Variants in KIAA2012 observed in about 807,000 individuals in gnomAD.
The protein encoded by KIAA2012 is uncharacterized protein KIAA2012.
A neutral mutation model predicts 150.6 loss-of-function variants in KIAA2012; 125 were observed. That is an observed-to-expected ratio of 0.83 (90% CI 0.72 to 0.96). KIAA2012 has a LOEUF of 0.96. KIAA2012 is among the 40% of genes least tolerant of loss of function. KIAA2012 has a pLI of 0.00. For synonymous variants in KIAA2012, 462 were observed against 504.7 expected (o/e 0.92, Z 1.13); for missense variants, 1,219 against 1,354.9 (o/e 0.90, Z 1.57).
intron 14 of KIAA2012, among the ~76,000 whole-genome samples, chr2:202,160,577 T>G (rs2105717813): frequency 6.6e-6 from 1 of 152,250 alleles, no homozygotes; most frequent in African/African-American, 2.4e-5. Flanking sequence ...CCTCCCAAAG[T>G]GCTGGGATTA....
intron 13 of KIAA2012, among the ~76,000 whole-genome samples, chr2:202,141,423 TGAAAA>T (rs1691194854): frequency 6.6e-6 from 1 of 152,082 alleles, no homozygotes; most frequent in South Asian, 2.1e-4. Flanking sequence ...AATGTGGAGA[TGAAAA>T]GAGAGCAATG....
chr2:202,183,754 C>T (rs1692171228), intron 15 of KIAA2012, among the ~76,000 whole-genome samples: 1 of 152,134 alleles, frequency 6.6e-6, no homozygotes, highest in African/African-American at 2.4e-5. Context: ...GATCTGCCTG[C>T]CTTGGCTTCC....
At chr2:202,185,096 G>A (rs1445779007) in intron 16 of KIAA2012, among the ~76,000 whole-genome samples, 1 of 152,012 alleles carries the variant, frequency 6.6e-6, no homozygotes, top group Non-Finnish European at 1.5e-5. Context: ...AACCCTATGG[G>A]AACAGCTCTT....
chr2:202,146,631 C>CAA (rs34039489), intron 13 of KIAA2012, among the ~76,000 whole-genome samples: 15 of 76,492 alleles, frequency 2.0e-4, no homozygotes, highest in African/African-American at 3.3e-4. Flanking sequence ...GACTCCATCT[C>CAA]AAAAAAAAAA....
Position 202,162,181 on chromosome 2 carries a change from T to C in KIAA2012, c.2047-3103T>C, listed in dbSNP as rs182398279. On this transcript the variant is annotated intron_variant, in intron 14 of 23. Transcript: ENST00000498697. ...TCCCCTTCCTAGAATGTATAATGCA[T>C]ATATATAAGCAAATACAGATAGATA... 6.4e-4 allele frequency among the ~76,000 whole-genome samples: 98 copies of C among 152,248 alleles called. 2 individuals are homozygous for C. In the East Asian group the frequency reaches 0.017, roughly 26 times the overall value.
intron 3 of KIAA2012, 135 bp downstream of exon 3, chr2:202,091,064 C>A: frequency 8.5e-7 from 1 of 1,171,672 alleles, no homozygotes; most frequent in Non-Finnish European, 1.2e-6. Flanking sequence ...AGTCCCCACG[C>A]TTGGTAGCCC....
chr2:202,150,421 GT>G (rs1287895555), intron 13 of KIAA2012, among the ~76,000 whole-genome samples: 2 of 151,112 alleles, frequency 1.3e-5, no homozygotes, highest in Non-Finnish European at 2.9e-5. Flanking sequence ...TTGGTGTGGG[GT>G]TTTTTTGTTT....
rs141316284 is a variant in KIAA2012, at chr2:202,147,284, G to A, written c.1909-7389G>A. Among the ~76,000 whole-genome samples, 639 of 152,244 alleles carry A rather than the reference G, an allele frequency of 4.2e-3. 4 individuals are homozygous for A. Among genetic ancestry groups the A allele is most frequent in the Middle Eastern group, 0.017 (5 of 294 alleles). ...TTCTAACCATTAGAGATTATTTTGG[G>A]TTCCTCATACCTCTTTGTGAAAGTT... On this transcript the variant is annotated intron_variant, in intron 13 of 23. Transcript: ENST00000498697.
intron 7 of KIAA2012, 117 bp downstream of exon 7, chr2:202,100,566 C>G: frequency 8.3e-7 from 1 of 1,203,280 alleles, no homozygotes. Flanking sequence ...AGAGAACTGG[C>G]CTCTCTAGCG....
chr2:202,123,168 A>C (rs1690696477), intron 11 of KIAA2012, among the ~76,000 whole-genome samples: 1 of 152,162 alleles, frequency 6.6e-6, no homozygotes, highest in African/African-American at 2.4e-5. Flanking sequence ...GGGAGCTACG[A>C]GGCAAAGGGC....
In KIAA2012 at chr2:202,074,856, A is replaced by C. The variant is rs779737261; in HGVS notation, c.85-35A>C. On this transcript the variant is annotated intron_variant, in intron 1 of 23. Transcript: ENST00000498697. The stretch of plus-strand genomic sequence containing the variant: ...TATTTGCTATAGAAAGGTCTTCCAC[A>C]GTGGCTCCGTCAAAGTGGCTGCTTC... 4.6e-6 allele frequency: 7 copies of C among 1,515,176 alleles called. No individual in the cohort carries two copies. The East Asian group carries it at 1.2e-4, about 27-fold the overall frequency. The allele number at this position is 1,515,176 out of a possible 1,614,324, so 93.9% of individuals were successfully genotyped here.
At chr2:202,178,675 C>G (rs1386057708) in intron 15 of KIAA2012, 1 of 152,768 alleles carries the variant, frequency 6.5e-6, no homozygotes, top group African/African-American at 2.4e-5. Context: ...CACCAAGATA[C>G]TTTAATCAGC....
At chr2:202,137,181 A>G (rs1327607882) in intron 12 of KIAA2012, 1 of 152,256 alleles carries the variant, frequency 6.6e-6, no homozygotes, top group Non-Finnish European at 1.5e-5. Flanking sequence ...AGAGCTACTT[A>G]TGAGTATCAA....
At chr2:202,099,530 C>G (rs895037985) in intron 5 of KIAA2012, 83 bp from the exon 6 acceptor site, 8 of 1,149,466 alleles carry the variant, frequency 7.0e-6, no homozygotes, top group Non-Finnish European at 7.2e-6. Context: ...AACCATAAGC[C>G]TAGCCACAAG....
chr2:202,107,114 A>G (rs1295712247), intron 9 of KIAA2012, among the ~76,000 whole-genome samples: 3 of 152,180 alleles, frequency 2.0e-5, no homozygotes, highest in Non-Finnish European at 4.4e-5. Context: ...TCACATAACT[A>G]TAAGTGGCCT....
rs570894145 is a variant in KIAA2012 at position 202,143,696 on chromosome 2, G to A, written c.1908+5188G>A. 1.2e-4 allele frequency among the ~76,000 whole-genome samples: 18 copies of A among 152,126 alleles called. 1 individual carries two copies. The highest frequency in any genetic ancestry group is 4.2e-4 in the South Asian group (2 of 4,810). ...ACAACAAGTATTCAGCAAGCTGAAC[G>A]GGGTCAACACCATAGCACCATTATT... On this transcript the variant is annotated intron_variant, in intron 13 of 23. Coordinates refer to ENST00000498697, the MANE Select transcript of KIAA2012 (RefSeq NM_001277372.4).
At chr2:202,122,553 T>C (rs1381051613) in intron 11 of KIAA2012, among the ~76,000 whole-genome samples, 2 of 149,076 alleles carry the variant, frequency 1.3e-5, no homozygotes, top group African/African-American at 5.0e-5. Context: ...CAGGCTGGAG[T>C]GCAGTGGCAC....
intron 4 of KIAA2012, among the ~76,000 whole-genome samples, chr2:202,094,983 A>G (rs1408764140): frequency 6.6e-6 from 1 of 152,236 alleles, no homozygotes; most frequent in Non-Finnish European, 1.5e-5. Flanking sequence ...ATTCCAAGCC[A>G]TATAGCCACT....
At chr2:202,125,105 C>T in intron 11 of KIAA2012, 109 bp from the exon 12 acceptor site, 2 of 878,766 alleles carry the variant, frequency 2.3e-6, no homozygotes, top group East Asian at 2.7e-5. Flanking sequence ...CATTGCAAAG[C>T]TTAAACACTG....
Sources: allele counts gnomAD v4.1 joint callset (sites outside exome capture counted in the v4.1 genomes callset), GRCh38; gene constraint gnomAD v4.1.1; transcripts MANE v1.5; gene names NCBI Gene and HGNC (gene_info 2026-07-23, HGNC 2026-07-21).